Variants in MROH2A observed in about 807,000 individuals in gnomAD.
MROH2A encodes the protein maestro heat-like repeat-containing protein family member 2A.
A neutral mutation model predicts 200.4 loss-of-function variants in MROH2A; 174 were observed. The observed-to-expected ratio is 0.87, with a 90% confidence interval of 0.77 to 0.98. The LOEUF is 0.98. MROH2A is among the 50% of genes least tolerant of loss of function. The pLI is 0.00. For synonymous variants in MROH2A, 829 were observed against 840.4 expected (o/e 0.99, Z 0.23); for missense variants, 2,045 against 2,139.6 (o/e 0.96, Z 0.87).
chr2:233,776,718 C>T (rs1161821767), upstream of MROH2A, among the ~76,000 whole-genome samples: 1 of 152,080 alleles, frequency 6.6e-6, no homozygotes, highest in Non-Finnish European at 1.5e-5. Context: ...TTAAAAATGA[C>T]CCCTTTCTCC....
intron 28 of MROH2A, 98 bp downstream of exon 28, chr2:233,818,223 C>T: frequency 1.4e-6 from 2 of 1,430,614 alleles, no homozygotes; most frequent in Non-Finnish European, 9.4e-7. Context: ...GGAAGGATGG[C>T]CTCTGTGCAG....
chr2:233,782,749 T>C (rs926998882), intron 3 of MROH2A, among the ~76,000 whole-genome samples: 1 of 152,184 alleles, frequency 6.6e-6, no homozygotes, highest in Non-Finnish European at 1.5e-5. Flanking sequence ...TCCAGTATTA[T>C]GTTGAAGAGC....
intron 15 of MROH2A, 50 bp downstream of exon 15, chr2:233,802,365 C>T (rs1339419165): frequency 6.6e-7 from 1 of 1,511,502 alleles, no homozygotes; most frequent in African/African-American, 1.4e-5. Context: ...TGGGCTGGCT[C>T]CTTGTCTGGG....
rs1704088236 is a variant in MROH2A, at chr2:233,823,437, C to G, written c.4005-119C>G. The G allele has an allele frequency of 4.7e-6, 6 of 1,273,644 alleles. No homozygotes were observed. The South Asian group carries it at 9.0e-5, about 19-fold the overall frequency. 78.9% of individuals were successfully genotyped at this position (1,273,644 alleles called of 1,614,324 possible). A position where few individuals can be genotyped will look rare whatever the true frequency, so the allele number is the denominator to read the frequency against. ...GAGAAACCCAGAGATGTTACGACAT[C>G]TTTCCGGGGTTATCTTGCCACCAGG... On this transcript the variant is annotated intron_variant, in intron 34 of 41. Coordinates refer to ENST00000389758, the MANE Select transcript of MROH2A (RefSeq NM_001394639.1).
intron 23 of MROH2A, among the ~76,000 whole-genome samples, chr2:233,811,637 G>A (rs1008400626): frequency 2.6e-5 from 4 of 152,244 alleles, no homozygotes; most frequent in Non-Finnish European, 5.9e-5. Flanking sequence ...AGGAAGTGCT[G>A]GCCCAGGGGC....
Position 233,817,413 on chromosome 2 carries a change from C to G in MROH2A, c.2961+528C>G, listed in dbSNP as rs143402139. Among the ~76,000 whole-genome samples, 14 of 152,044 alleles carry G rather than the reference C, an allele frequency of 9.2e-5. No individual in the cohort carries two copies. In the South Asian group the frequency reaches 2.5e-3, roughly 27 times the overall value. On this transcript the variant is annotated intron_variant, in intron 27 of 41. Transcript: ENST00000389758. ...TCAGGGTCTGGGGCGCAGGGATGGG[C>G]GTCTGGTGCAGGGAGAGAAGTGGGC...
At chr2:233,814,719 C>G in intron 26 of MROH2A, 42 bp downstream of exon 26, 1 of 1,396,000 alleles carries the variant, frequency 7.2e-7, no homozygotes, top group Non-Finnish European at 9.9e-7. Context: ...GATGGCCACT[C>G]CTCCCCAGAA....
chr2:233,795,800 A>G, intron 9 of MROH2A, 55 bp downstream of exon 9: 3 of 1,550,544 alleles, frequency 1.9e-6, no homozygotes, highest in Middle Eastern at 1.7e-4. Flanking sequence ...ATCAGCAGGA[A>G]GCTGGCGGCG....
rs139887178 is a variant in MROH2A, at chr2:233,827,937, C to T, written c.4114-693C>T. On this transcript the variant is annotated intron_variant, in intron 35 of 41. Transcript: ENST00000389758. ...CTCTACCTGGCCCTGAATAGGTGCT[C>T]AGTATATGTTTAAATGAATGGAAGT... is the stretch of plus-strand genomic sequence containing the variant. Among the ~76,000 whole-genome samples the T allele has an allele frequency of 8.6e-5, 13 of 151,992 alleles. No homozygotes were observed. In the East Asian group the frequency reaches 2.5e-3, roughly 29 times the overall value.
chr2:233,807,761 C>T lies in MROH2A; in HGVS notation c.2201C>T (p.Ala734Val), dbSNP rs1423997785. 5 of 1,550,688 alleles carry T rather than the reference C, an allele frequency of 3.2e-6. No homozygotes were observed. The highest frequency in any genetic ancestry group is 2.6e-6 in the Non-Finnish European group (3 of 1,147,002). Residue 734 changes from alanine (A) to valine (V), a missense_variant, in exon 21 of 42, where the codon GCC becomes GTC. Physicochemically the swap from Ala to Val is moderately conservative, Grantham distance 64 (BLOSUM62 0). Transcript: ENST00000389758. The surrounding 1 kb of genome is among the most constrained non-coding windows in gnomAD (Gnocchi z 4.3). ...EGVIMCFGLC[A>V]RGQVKTVLNV... is the part of the protein sequence containing the mutation. ...GTGATTATGTGCTTTGGCCTGTGTG[C>T]CCGGGGCCAGGTAAAAACGGTGCTG... is the stretch of plus-strand genomic sequence containing the variant.
chr2:233,780,272 A>G (rs1470148139), intron 3 of MROH2A, among the ~76,000 whole-genome samples: 1 of 152,198 alleles, frequency 6.6e-6, no homozygotes, highest in Non-Finnish European at 1.5e-5. Flanking sequence ...TGTACAGACA[A>G]GGTTTGCATC....
rs1703667173 is a variant in MROH2A at position 233,818,057 on chromosome 2, C to A, written c.3017C>A (p.Thr1006Asn). The change falls in exon 28 of 42, where the codon ACC (threonine) becomes AAC (asparagine). Residue 1006 changes from threonine to asparagine, a missense_variant. Thr to Asn is a moderately conservative substitution (Grantham distance 65). Around this residue, in one of 3 missense-constraint regions of MROH2A, gnomAD observed 1,201 missense variants for 1,311.3 expected, o/e 0.92. Transcript: ENST00000389758. ...ATGGTCGGACTCATTGCCCCGTGCA[C>A]CTGTGATGCCCATCAAAGAACCCGC... is the stretch of plus-strand genomic sequence containing the variant. The part of the protein sequence containing the change: ...GTMVGLIAPC[T>N]CDAHQRTRMA... 4 of 1,551,036 alleles carry A rather than the reference C, an allele frequency of 2.6e-6. No homozygotes were observed. In the South Asian group the frequency reaches 3.6e-5, roughly 14 times the overall value.
chr2:233,825,921 CTTTTTTTTTTTTT>C (rs34849761), intron 35 of MROH2A, among the ~76,000 whole-genome samples: 1 of 95,246 alleles, frequency 1.0e-5, no homozygotes, highest in Non-Finnish European at 1.9e-5. Context: ...TTTCTTTTTC[CTTTTTTTTTTTTT>C]TTTTTTTTTG....
intron 31 of MROH2A, among the ~76,000 whole-genome samples, 189 bp from the exon 32 acceptor site, chr2:233,821,935 G>A (rs898184036): frequency 6.6e-6 from 1 of 152,164 alleles, no homozygotes; most frequent in African/African-American, 2.4e-5. Context: ...GCAGAGAAAG[G>A]GGGTTGAGTA....
chr2:233,798,963 A>C, intron 12 of MROH2A, 113 bp downstream of exon 12: 1 of 841,698 alleles, frequency 1.2e-6, no homozygotes, highest in Non-Finnish European at 2.0e-6. Flanking sequence ...CCGGCTTTCC[A>C]TCGGGTCTCG....
At position 233,809,137 on chromosome 2, in the gene MROH2A, C is replaced by G; in HGVS notation, c.2307C>G (p.Pro769=). Residue 769 remains proline (P), a synonymous_variant, in exon 22 of 42, where the codon CCC becomes CCG. Coordinates refer to ENST00000389758, the MANE Select transcript of MROH2A (RefSeq NM_001394639.1). ...WQISAWRKDH[P]WRRETVKSAL... is the part of the protein sequence containing the mutation. ...CTTTGGCCTCGTAGAAGGACCATCC[C>G]TGGAGGCGGGAGACAGTGAAAAGTG... is the stretch of plus-strand genomic sequence containing the variant. 6.5e-7 allele frequency: 1 copy of G among 1,549,564 alleles called. No homozygotes were observed. Among genetic ancestry groups the G allele is most frequent in the East Asian group, 2.4e-5 (1 of 40,868 alleles).
Position 233,808,879 on chromosome 2 carries a change from C to T in MROH2A, c.2296-247C>T, listed in dbSNP as rs542141380. ...GATGGGTGGTCTGGGCGTCTATAGC[C>T]CTAGTCTGTCTTGCTCATTACTGCA... On this transcript the variant is annotated intron_variant, in intron 21 of 41. Coordinates refer to ENST00000389758, the MANE Select transcript of MROH2A (RefSeq NM_001394639.1). 1.1e-4 allele frequency among the ~76,000 whole-genome samples: 16 copies of T among 152,308 alleles called. No individual in the cohort carries two copies. In the East Asian group the frequency reaches 3.1e-3, roughly 29 times the overall value.
chr2:233,809,327 G>T (rs1286164167), intron 22 of MROH2A, 49 bp downstream of exon 22: 1 of 1,527,180 alleles, frequency 6.5e-7, no homozygotes, highest in Non-Finnish European at 8.9e-7. Flanking sequence ...CAGGCTGGTG[G>T]GTAGTAGCCT....
chr2:233,803,953 C>G (rs1702634581), intron 16 of MROH2A, 98 bp from the exon 17 acceptor site: 1 of 1,442,592 alleles, frequency 6.9e-7, no homozygotes, highest in Non-Finnish European at 9.3e-7. Flanking sequence ...AACCACCGAT[C>G]TTGTCCAGCT....
Sources: gnomAD v4.1 joint callset for allele counts (sites outside exome capture counted in the v4.1 genomes callset) on GRCh38, gnomAD v4.1.1 for gene constraint, gnomAD v4.1.1 regional missense constraint, Gnocchi (gnomAD v3.1) non-coding constraint, MANE v1.5 for transcripts, NCBI Gene and HGNC (gene_info 2026-07-23, HGNC 2026-07-21) for gene names.